Variants in SORCS3 observed in about 807,000 individuals in gnomAD.
SORCS3 encodes sortilin related VPS10 domain containing receptor 3, also known as VPS10 domain-containing receptor SorCS3.
In SORCS3, 57 loss-of-function variants were observed where a neutral mutation model predicts 146.3. The ratio of observed to expected loss-of-function variants is 0.39; its 90% CI spans 0.31 to 0.49. The LOEUF (loss-of-function observed/expected upper bound fraction) is 0.49. SORCS3 is among the 20% of genes least tolerant of loss of function. The pLI is 0.92. For synonymous variants in SORCS3, 653 were observed against 618.5 expected (o/e 1.06, Z -0.83); for missense variants, 1,341 against 1,575.5 (o/e 0.85, Z 2.52).
Position 105,196,821 on chromosome 10 carries a change from C to T in SORCS3, c.2010-3178C>T, listed in dbSNP as rs188248450. Among the ~76,000 whole-genome samples, 7 of 152,218 alleles carry T rather than the reference C, an allele frequency of 4.6e-5. No homozygotes were observed. The East Asian group carries it at 1.4e-3, about 29-fold the overall frequency. On this transcript the variant is annotated intron_variant, in intron 14 of 26. Transcript: ENST00000369701. ...TCATATTGCCACCTGTATTAGTTTC[C>T]TGTGGCTGTTGTAACAAATTTAGTG... is the stretch of plus-strand genomic sequence containing the variant.
At chr10:105,114,748 A>T (rs939948553) in intron 7 of SORCS3, among the ~76,000 whole-genome samples, 6 of 141,020 alleles carry the variant, frequency 4.3e-5, no homozygotes, top group African/African-American at 1.6e-4. Context: ...TCCATCTACT[A>T]CCCAGTGGTA....
rs1008446114 is a variant in SORCS3 at position 104,712,163 on chromosome 10, C to A, written c.627+70209C>A. Among the ~76,000 whole-genome samples, 3 of 152,094 alleles carry A rather than the reference C, an allele frequency of 2.0e-5. No homozygotes were observed. In the East Asian group the frequency reaches 5.8e-4, roughly 29 times the overall value. ...ACAAAGTACTTTATGTATGCATCAT[C>A]TCCTTGAATCCGGTTAACAACCTTG... On this transcript the variant is annotated intron_variant, in intron 1 of 26. Coordinates refer to ENST00000369701, the MANE Select transcript of SORCS3 (RefSeq NM_014978.3).
intron 7 of SORCS3, among the ~76,000 whole-genome samples, chr10:105,134,723 G>A (rs1469631250): frequency 6.6e-6 from 1 of 152,142 alleles, no homozygotes; most frequent in Non-Finnish European, 1.5e-5. Flanking sequence ...GGAGAGGACA[G>A]AAACAATCGG....
At chr10:105,184,096 G>A (rs1046969215) in intron 14 of SORCS3, among the ~76,000 whole-genome samples, 23 of 152,204 alleles carry the variant, frequency 1.5e-4, no homozygotes, top group African/African-American at 5.3e-4. Flanking sequence ...CAAGAAACAG[G>A]CCACTTGCAG....
chr10:105,054,525 A>T (rs760983797), intron 5 of SORCS3, among the ~76,000 whole-genome samples: 3 of 151,890 alleles, frequency 2.0e-5, no homozygotes, highest in Non-Finnish European at 2.9e-5. Context: ...TTAATAACTT[A>T]ATAATTTTCC....
chr10:104,941,977 G>A (rs543027107), intron 3 of SORCS3, among the ~76,000 whole-genome samples: 1 of 152,304 alleles, frequency 6.6e-6, no homozygotes. Context: ...ACAATTTAAT[G>A]TCTTAATAGA....
At chr10:104,973,879 G>T (rs1055427378) in intron 3 of SORCS3, among the ~76,000 whole-genome samples, 11 of 151,122 alleles carry the variant, frequency 7.3e-5, no homozygotes, top group Non-Finnish European at 1.3e-4. Context: ...GCGTCCCAGA[G>T]ATTCTGGTAT....
Position 105,263,755 on chromosome 10 carries a change from A to G in SORCS3, c.*381A>G, listed in dbSNP as rs2056975455. 1 of 223,590 alleles carries G rather than the reference A, an allele frequency of 4.5e-6. No homozygotes were observed. Among genetic ancestry groups the G allele is most frequent in the African/African-American group, 2.3e-5 (1 of 43,766 alleles). The allele number at this position is 223,590 out of a possible 1,614,324, so 13.9% of individuals were successfully genotyped here. A position where few individuals can be genotyped will look rare whatever the true frequency, so the allele number is the denominator to read the frequency against. On this transcript the variant is annotated 3_prime_UTR_variant, in exon 27 of 27. Coordinates refer to ENST00000369701, the MANE Select transcript of SORCS3 (RefSeq NM_014978.3). The stretch of plus-strand genomic sequence containing the variant: ...ATCACCAACACTCTCCGCTTCCCCC[A>G]GCACACACACATACAACACAGATCA...
chr10:105,058,877 G>A (rs926694975), intron 5 of SORCS3, among the ~76,000 whole-genome samples: 5 of 152,176 alleles, frequency 3.3e-5, no homozygotes, highest in Non-Finnish European at 2.9e-5. Context: ...AAAATATATT[G>A]TACTTGGGTG....
At chr10:104,899,579 T>C (rs1318465712) in intron 2 of SORCS3, among the ~76,000 whole-genome samples, 4 of 152,206 alleles carry the variant, frequency 2.6e-5, no homozygotes, top group Non-Finnish European at 2.9e-5. Context: ...ATGAATTGCA[T>C]GGCCAATGTT....
chr10:105,069,667 T>C (rs1589617622), intron 5 of SORCS3, among the ~76,000 whole-genome samples: 1 of 152,198 alleles, frequency 6.6e-6, no homozygotes, highest in East Asian at 1.9e-4. Context: ...GTGGAGTAAA[T>C]TAATTTTCAG....
At chr10:104,647,745 A>G (rs1444414239) in intron 1 of SORCS3, among the ~76,000 whole-genome samples, 3 of 152,246 alleles carry the variant, frequency 2.0e-5, no homozygotes, top group African/African-American at 7.2e-5. Context: ...CTGTCTCTTA[A>G]TAACACTGAG....
intron 5 of SORCS3, among the ~76,000 whole-genome samples, chr10:105,068,143 A>G (rs1171162768): frequency 1.3e-5 from 2 of 152,166 alleles, no homozygotes; most frequent in Non-Finnish European, 2.9e-5. Flanking sequence ...CCAACTGTCC[A>G]TAACAGAACA....
At chr10:105,125,413 A>G (rs900402476) in intron 7 of SORCS3, among the ~76,000 whole-genome samples, 1 of 152,162 alleles carries the variant, frequency 6.6e-6, no homozygotes, top group African/African-American at 2.4e-5. Context: ...CAGAAGAGGC[A>G]CTGAAAGGTT....
chr10:104,817,158 T>A (rs987472684), intron 1 of SORCS3, among the ~76,000 whole-genome samples: 24 of 152,172 alleles, frequency 1.6e-4, no homozygotes, highest in African/African-American at 5.3e-4. Flanking sequence ...ACACTACTTA[T>A]GAGCACATTT....
At chr10:105,105,573 G>A in intron 7 of SORCS3, 58 bp downstream of exon 7, 5 of 1,214,744 alleles carry the variant, frequency 4.1e-6, no homozygotes, top group Non-Finnish European at 6.1e-6. Flanking sequence ...TTGGCTGCCT[G>A]CTAGGAAAAG....
chr10:104,905,335 T>C (rs1289627612), intron 2 of SORCS3, among the ~76,000 whole-genome samples: 1 of 152,124 alleles, frequency 6.6e-6, no homozygotes, highest in African/African-American at 2.4e-5. Context: ...GAATTTCCTC[T>C]TCTTCTTGCC....
chr10:105,097,540 A>C (rs1273038686), intron 6 of SORCS3, among the ~76,000 whole-genome samples: 1 of 152,232 alleles, frequency 6.6e-6, no homozygotes, highest in African/African-American at 2.4e-5. Flanking sequence ...ATGACATAAA[A>C]GTTGGAGAAC....
chr10:105,161,403 G>A (rs1224473986), intron 11 of SORCS3, among the ~76,000 whole-genome samples: 1 of 152,006 alleles, frequency 6.6e-6, no homozygotes, highest in Admixed American at 6.5e-5. Context: ...CCATATCCAT[G>A]CCTTCCACCT....
Sources: gnomAD v4.1 joint callset for allele counts (sites outside exome capture counted in the v4.1 genomes callset) on GRCh38, gnomAD v4.1.1 for gene constraint, MANE v1.5 for transcripts, NCBI Gene and HGNC (gene_info 2026-07-23, HGNC 2026-07-21) for gene names.